NLRP2: variants seen among roughly 807,000 people sequenced by gnomAD.
NLRP2 encodes NACHT, LRR and PYD domains-containing protein 2.
Under a neutral mutation model 97.2 loss-of-function variants are expected in NLRP2, and 107 were observed. The ratio of observed to expected loss-of-function variants is 1.10; its 90% CI spans 0.94 to 1.29. NLRP2 has a LOEUF of 1.29. Ranked by LOEUF, NLRP2 falls within the 50% of genes most tolerant of loss-of-function variation. The pLI, the probability that NLRP2 is intolerant of heterozygous loss-of-function variation, is 0.00. For missense variants in NLRP2, 1,495 were observed against 1,330.3 expected (o/e 1.12, Z -1.93); for synonymous variants, 663 against 551.5 (o/e 1.20, Z -2.83).
chr19:54,980,766 G>A (rs1390815853), intron 4 of NLRP2, among the ~76,000 whole-genome samples: 1 of 152,180 alleles, frequency 6.6e-6, no homozygotes, highest in African/African-American at 2.4e-5. Flanking sequence ...AGCTCTGTGT[G>A]TGATCTGGCC....
In NLRP2 at chr19:54,982,321, CGGT is replaced by C; in HGVS notation, c.628_630del (p.Val210del). 1 of 1,614,108 alleles carries C rather than the reference CGGT, an allele frequency of 6.2e-7. No homozygotes were observed. The stretch of plus-strand genomic sequence containing the variant: ...GTGCTTCCCGGGCCCTTCTCATACA[CGGT>C]GGTGCTGTATGGTCCTGCAGGCCTT... On this transcript the variant is annotated inframe_deletion, in exon 6 of 13. Coordinates refer to ENST00000448584, the MANE Select transcript of NLRP2 (RefSeq NM_017852.5).
At chr19:54,984,014 C>A (rs1246100782) in intron 6 of NLRP2, among the ~76,000 whole-genome samples, 1 of 152,124 alleles carries the variant, frequency 6.6e-6, no homozygotes, top group African/African-American at 2.4e-5. Flanking sequence ...CCTTGCCCGG[C>A]TAATTTTTAT....
rs769330161 is a variant in NLRP2 at position 54,997,527 on chromosome 19, T to G, written c.3050+40T>G. On this transcript the variant is annotated intron_variant, in intron 12 of 12. Transcript: ENST00000448584. ...CTTCCCCATCAGGCTTTCTCCAGAGTGGTAGGTTTAGGGGAAGCATAATGA... is the reference window on the plus strand; with the variant it reads ...CTTCCCCATCAGGCTTTCTCCAGAGGGGTAGGTTTAGGGGAAGCATAATGA... 11 of 1,608,404 alleles carry G rather than the reference T, an allele frequency of 6.8e-6. No individual in the cohort carries two copies. The Admixed American group carries it at 1.8e-4, about 27-fold the overall frequency.
chr19:54,972,718 C>T lies in NLRP2; in HGVS notation c.281-1782C>T, dbSNP rs551635659. Among the ~76,000 whole-genome samples the T allele has an allele frequency of 1.1e-4, 16 of 152,100 alleles. No homozygotes were observed. In the South Asian group the frequency reaches 3.3e-3, roughly 31 times the overall value. ...AACCGATCCTCCTGCCTTGGCTTCC[C>T]ACAGTCCTGGGATCAGAAACATGAG... On this transcript the variant is annotated intron_variant, in intron 2 of 12. Coordinates refer to ENST00000448584, the MANE Select transcript of NLRP2 (RefSeq NM_017852.5).
intron 1 of NLRP2, among the ~76,000 whole-genome samples, chr19:54,967,499 A>T (rs1402932577): frequency 2.6e-5 from 4 of 152,078 alleles, no homozygotes; most frequent in Non-Finnish European, 4.4e-5. Context: ...AAATAAAATA[A>T]AATTCAGTGG....
At chr19:54,970,682 G>C (rs1000161328) in intron 2 of NLRP2, among the ~76,000 whole-genome samples, 2 of 149,684 alleles carry the variant, frequency 1.3e-5, no homozygotes. Context: ...TGGCATTGAG[G>C]CTTGGAGAGG....
intron 10 of NLRP2, chr19:54,993,672 C>G (rs769549330): frequency 6.1e-6 from 1 of 164,538 alleles, no homozygotes; most frequent in Non-Finnish European, 1.3e-5. Context: ...TGGGGAAACC[C>G]TGTCTCTACT....
chr19:54,979,423 A>G (rs1012539921), intron 4 of NLRP2, among the ~76,000 whole-genome samples: 5 of 148,556 alleles, frequency 3.4e-5, no homozygotes, highest in African/African-American at 1.0e-4. Flanking sequence ...GCTCGCCACA[A>G]CCTCCACCTC....
chr19:54,989,667 G>A lies in NLRP2; in HGVS notation c.2367-355G>A, dbSNP rs781246521. 48 of 386,384 alleles carry A rather than the reference G, an allele frequency of 1.2e-4. 1 individual carries two copies. The highest frequency in any genetic ancestry group is 9.3e-4 in the South Asian group (39 of 42,010). 23.9% of individuals were successfully genotyped at this position (386,384 alleles called of 1,614,324 possible). A position where few individuals can be genotyped will look rare whatever the true frequency, so the allele number is the denominator to read the frequency against. ...AACCAGTGAGATGTAAACCAAAGACGATTCCACGGTTAGATTCTCAAGAAT... is the reference window on the plus strand; with the variant it reads ...AACCAGTGAGATGTAAACCAAAGACAATTCCACGGTTAGATTCTCAAGAAT... On this transcript the variant is annotated intron_variant, in intron 8 of 12. Transcript: ENST00000448584.
At chr19:54,997,617 C>A in intron 12 of NLRP2, 130 bp downstream of exon 12, 2 of 956,710 alleles carry the variant, frequency 2.1e-6, no homozygotes, top group Non-Finnish European at 3.3e-6. Flanking sequence ...CACACCCAGC[C>A]AATTTCTGTA....
chr19:54,987,838 C>G (rs1261878501), intron 8 of NLRP2, among the ~76,000 whole-genome samples: 1 of 151,758 alleles, frequency 6.6e-6, no homozygotes, highest in African/African-American at 2.4e-5. Context: ...GTCAGGAGTT[C>G]AAGACCAGCC....
intron 3 of NLRP2, among the ~76,000 whole-genome samples, chr19:54,975,106 GTTTTTT>G (rs558518586): frequency 8.5e-5 from 5 of 58,702 alleles, no homozygotes; most frequent in African/African-American, 5.6e-5. Context: ...ACCCGGTTTT[GTTTTTT>G]TTTTTTTTTT....
chr19:54,997,509 A>G (rs755103456), intron 12 of NLRP2, 22 bp downstream of exon 12: 1 of 1,613,486 alleles, frequency 6.2e-7, no homozygotes, highest in Non-Finnish European at 8.5e-7. Flanking sequence ...TTACTTCCCC[A>G]TCAGGCTTTC....
rs753029151 is a variant in NLRP2, at chr19:54,994,341, G to A, written c.2781G>A (p.Leu927=). The A allele has an allele frequency of 1.1e-5, 17 of 1,614,054 alleles. No homozygotes were observed. The highest frequency in any genetic ancestry group is 1.4e-5 in the Non-Finnish European group (16 of 1,180,050). Residue 927 remains leucine (L), a synonymous_variant, in exon 11 of 13, where the codon CTG becomes CTA. Coordinates refer to ENST00000448584, the MANE Select transcript of NLRP2 (RefSeq NM_017852.5). ...AGCTTCTCCAAGAAAAATCAAGCCT[G>A]TTGTGTTTGGATCTGGGGCTGAATC... ...LTKLLQEKSS[L]LCLDLGLNHI...
At chr19:54,987,294 AC>A (rs1340371010) in intron 8 of NLRP2, among the ~76,000 whole-genome samples, 15 of 152,100 alleles carry the variant, frequency 9.9e-5, no homozygotes, top group Middle Eastern at 6.8e-3. Flanking sequence ...TCAAGCAAGA[AC>A]CCTTCAGGAA....
intron 2 of NLRP2, among the ~76,000 whole-genome samples, chr19:54,970,995 CAG>C (rs2070818795): frequency 8.8e-6 from 1 of 114,248 alleles, no homozygotes; most frequent in Non-Finnish European, 1.8e-5. Context: ...CCACAGTCCC[CAG>C]AGTGTGATGT....
Position 55,000,610 on chromosome 19 carries a change from A to G in NLRP2, c.3051-150A>G, listed in dbSNP as rs57020673. 1,690 of 711,042 alleles carry G rather than the reference A, an allele frequency of 2.4e-3. 17 individuals are homozygous for G. In the African/African-American group the frequency reaches 0.028, roughly 12 times the overall value. The allele number at this position is 711,042 out of a possible 1,614,324, so 44.0% of individuals were successfully genotyped here. A position where few individuals can be genotyped will look rare whatever the true frequency, so the allele number is the denominator to read the frequency against. The stretch of plus-strand genomic sequence containing the variant: ...TGTCTTTTAAAAAAAAAAAAAAAAA[A>G]TCAATGTGGAACACTCCTTTGCCAC... On this transcript the variant is annotated intron_variant, in intron 12 of 12. Transcript: ENST00000448584.
rs1212997791 is a variant in NLRP2 at position 54,975,443 on chromosome 19, A to C, written c.325+899A>C. 1.7e-5 allele frequency among the ~76,000 whole-genome samples: 2 copies of C among 116,352 alleles called. 1 individual carries two copies. Among genetic ancestry groups the C allele is most frequent in the Non-Finnish European group, 3.5e-5 (2 of 57,880 alleles). The allele number at this position is 116,352 out of a possible 152,430, so 76.3% of individuals were successfully genotyped here. A position where few individuals can be genotyped will look rare whatever the true frequency, so the allele number is the denominator to read the frequency against. On this transcript the variant is annotated intron_variant, in intron 3 of 12. Coordinates refer to ENST00000448584, the MANE Select transcript of NLRP2 (RefSeq NM_017852.5). Reference sequence around the variant, plus strand: ...GCCCTTACCAGCTACTTATATCCTGAAGATTATTATTATTTTTTTTTTTTT... The same window carrying C: ...GCCCTTACCAGCTACTTATATCCTGCAGATTATTATTATTTTTTTTTTTTT...
intron 8 of NLRP2, 156 bp from the exon 9 acceptor site, chr19:54,989,866 C>T: frequency 1.4e-6 from 1 of 734,418 alleles, no homozygotes; most frequent in East Asian, 2.6e-5. Context: ...TGGTGCATGC[C>T]TGCAGTCCCA....
Sources: gnomAD v4.1 joint callset for allele counts (sites outside exome capture counted in the v4.1 genomes callset) on GRCh38, gnomAD v4.1.1 for gene constraint, MANE v1.5 for transcripts, NCBI Gene and HGNC (gene_info 2026-07-23, HGNC 2026-07-21) for gene names.